The following GNRHR variants were observed in gnomAD, a reference collection of about 807,000 sequenced individuals.
GNRHR encodes gonadotropin-releasing hormone receptor.
A neutral mutation model predicts 28.1 loss-of-function variants in GNRHR; 14 were observed. The observed-to-expected ratio is 0.50, with a 90% confidence interval of 0.33 to 0.78. The LOEUF is 0.78. Ranked by LOEUF, GNRHR falls within the 30% of genes least tolerant of loss-of-function variation. The pLI is 0.02. For synonymous variants in GNRHR, 141 were observed against 140.5 expected, an observed-to-expected ratio of 1.00 and a Z score of -0.02; for missense variants, 366 against 382.1, an observed-to-expected ratio of 0.96 and a Z score of 0.35.
At chr4:67,752,112 C>A (rs73829179) in intron 1 of GNRHR, among the ~76,000 whole-genome samples, 1 of 152,230 alleles carries the variant, frequency 6.6e-6, no homozygotes, top group African/African-American at 2.4e-5. Context: ...CACCCTAGCC[C>A]CCTGATCACC....
chr4:67,744,062 AAC>A (rs907188870), intron 2 of GNRHR, among the ~76,000 whole-genome samples: 7 of 152,232 alleles, frequency 4.6e-5, no homozygotes, highest in Admixed American at 2.6e-4. Flanking sequence ...AAAAGGTACA[AAC>A]ACATGTGTGA....
chr4:67,740,714 C>G lies in GNRHR; in HGVS notation c.753G>C (p.Leu251=). Residue 251 remains leucine (L), a synonymous_variant, in exon 3 of 3, where the codon CTG becomes CTC. Coordinates refer to ENST00000226413, the MANE Select transcript of GNRHR (RefSeq NM_000406.3). ...TTGGTATATTGTTCTTGGACTGATTCAGTTGTAGTTCTGTTGGATAGAGAA... is the reference window on the plus strand; with the variant it reads ...TTGGTATATTGTTCTTGGACTGATTGAGTTGTAGTTCTGTTGGATAGAGAA... ...VLHQDPHELQ[L]NQSKNNIPRA... 1 of 1,610,120 alleles carries G rather than the reference C, an allele frequency of 6.2e-7. No individual in the cohort carries two copies. The highest frequency in any genetic ancestry group is 8.5e-7 in the Non-Finnish European group (1 of 1,176,420).
At chr4:67,743,206 C>T (rs1731693854) in intron 2 of GNRHR, among the ~76,000 whole-genome samples, 1 of 152,180 alleles carries the variant, frequency 6.6e-6, no homozygotes, top group Non-Finnish European at 1.5e-5. Flanking sequence ...CCTGCTTCGG[C>T]CTCCCAAAGT....
At chr4:67,751,549 C>T (rs1731865823) in intron 1 of GNRHR, 1 of 152,164 alleles carries the variant, frequency 6.6e-6, no homozygotes, top group Admixed American at 6.5e-5. Context: ...AATTCCTAAA[C>T]AATTCAAAGT....
intron 1 of GNRHR, among the ~76,000 whole-genome samples, chr4:67,752,320 T>G (rs1731883821): frequency 6.6e-6 from 1 of 151,728 alleles, no homozygotes; most frequent in Non-Finnish European, 1.5e-5. Flanking sequence ...CAAGCGATTC[T>G]CCCACCTCAG....
At position 67,744,176 on chromosome 4, in the gene GNRHR, T is replaced by C. The variant is rs556611553; in HGVS notation, c.742+392A>G. On this transcript the variant is annotated intron_variant, in intron 2 of 2. Transcript: ENST00000226413. ...CGTGTAAATATATGGGATTTGAATA[T>C]AAAATGAAACAGCTTACTTTAGCTA... Among the ~76,000 whole-genome samples, 11 of 152,300 alleles carry C rather than the reference T, an allele frequency of 7.2e-5. No individual in the cohort carries two copies. In the South Asian group the frequency reaches 2.3e-3, roughly 32 times the overall value.
At chr4:67,747,218 C>A in intron 1 of GNRHR, 1 of 152,368 alleles carries the variant, frequency 6.6e-6, no homozygotes. Flanking sequence ...CTGCCCTGGG[C>A]CACATTTTCG....
intron 2 of GNRHR, among the ~76,000 whole-genome samples, chr4:67,744,156 A>T (rs1560517373): frequency 2.0e-5 from 3 of 152,246 alleles, no homozygotes; most frequent in Non-Finnish European, 4.4e-5. Context: ...TATGTCGTGT[A>T]AATATATGGG....
chr4:67,752,767 G>A (rs1731893671), intron 1 of GNRHR, among the ~76,000 whole-genome samples: 2 of 151,158 alleles, frequency 1.3e-5, no homozygotes, highest in African/African-American at 2.4e-5. Flanking sequence ...GCTTTCTAGT[G>A]TCTTGTGCTA....
intron 1 of GNRHR, among the ~76,000 whole-genome samples, chr4:67,749,374 A>G (rs1731825718): frequency 6.6e-6 from 1 of 152,188 alleles, no homozygotes; most frequent in South Asian, 2.1e-4. Flanking sequence ...ATTAGTACAG[A>G]TAAACTAGTG....
rs1731642852 is a variant in GNRHR, at chr4:67,740,688, C to T, written c.779G>A (p.Arg260Lys). The change falls in exon 3 of 3, where the codon AGA becomes AAA. Residue 260 changes from arginine (R) to lysine (K), a missense_variant. Physicochemically the swap from Arg to Lys is conservative, Grantham distance 26 (BLOSUM62 2). Coordinates refer to ENST00000226413, the MANE Select transcript of GNRHR (RefSeq NM_000406.3). Reference protein sequence around the residue: ...QLNQSKNNIPRARLKTLKMTV... With the variant: ...QLNQSKNNIPKARLKTLKMTV... ...CATTTTTAGAGTCTTCAGCCGTGCT[C>T]TTGGTATATTGTTCTTGGACTGATT... 2.5e-6 allele frequency: 4 copies of T among 1,605,466 alleles called. No individual in the cohort carries two copies. The highest frequency in any genetic ancestry group is 2.6e-6 in the Non-Finnish European group (3 of 1,172,152).
Position 67,753,898 on chromosome 4 carries a change from G to C in GNRHR, c.438C>G (p.Pro146=). Residue 146 remains proline (P), a synonymous_variant, in exon 1 of 3, where the codon CCC becomes CCG. Coordinates refer to ENST00000226413, the MANE Select transcript of GNRHR (RefSeq NM_000406.3). ...SLDRSLAITR[P]LALKSNSKVG... is the part of the protein sequence containing the mutation. ...CTTTGCTGTTGCTTTTCAAAGCTAG[G>C]GGCCTCGTGATAGCCAGGGAGCGGT... 6.2e-7 allele frequency: 1 copy of C among 1,613,878 alleles called. No individual in the cohort carries two copies. Among genetic ancestry groups the C allele is most frequent in the Non-Finnish European group, 8.5e-7 (1 of 1,179,862 alleles).
chr4:67,752,453 G>T (rs1256175035), intron 1 of GNRHR, among the ~76,000 whole-genome samples: 1 of 151,816 alleles, frequency 6.6e-6, no homozygotes, highest in Admixed American at 6.6e-5. Flanking sequence ...GAACTCCTGG[G>T]CTCAAGTGAT....
intron 1 of GNRHR, among the ~76,000 whole-genome samples, chr4:67,751,211 C>T (rs184733181): frequency 6.6e-6 from 1 of 152,158 alleles, no homozygotes; most frequent in Non-Finnish European, 1.5e-5. Context: ...GAGACAGAGA[C>T]ACAAACAAGG....
chr4:67,750,327 T>C (rs1731843456), intron 1 of GNRHR, among the ~76,000 whole-genome samples: 2 of 152,164 alleles, frequency 1.3e-5, no homozygotes, highest in South Asian at 4.1e-4. Context: ...CCTTTCCCTC[T>C]ATTTTAACCA....
Position 67,740,239 on chromosome 4 carries a change from A to T in GNRHR, c.*241T>A, listed in dbSNP as rs1731632028. 2.2e-6 allele frequency: 1 copy of T among 459,986 alleles called. No homozygotes were observed. Among genetic ancestry groups the T allele is most frequent in the Non-Finnish European group, 4.0e-6 (1 of 252,928 alleles). The allele number at this position is 459,986 out of a possible 1,614,324, so 28.5% of individuals were successfully genotyped here. ...CCTACATAATGTGTTATATGAGGTCAGAAAAGGCAGAGATTAATTTAGAAG... is the reference window on the plus strand; with the variant it reads ...CCTACATAATGTGTTATATGAGGTCTGAAAAGGCAGAGATTAATTTAGAAG... On this transcript the variant is annotated 3_prime_UTR_variant, in exon 3 of 3. Coordinates refer to ENST00000226413, the MANE Select transcript of GNRHR (RefSeq NM_000406.3).
chr4:67,740,903 C>T (rs898158119), intron 2 of GNRHR, among the ~76,000 whole-genome samples, 179 bp from the exon 3 acceptor site: 16 of 152,074 alleles, frequency 1.1e-4, no homozygotes, highest in African/African-American at 3.6e-4. Flanking sequence ...CACTATGTCA[C>T]ATAATGAATA....
intron 2 of GNRHR, 126 bp downstream of exon 2, chr4:67,744,442 T>A (rs1406057626): frequency 1.4e-6 from 1 of 694,446 alleles, no homozygotes; most frequent in Non-Finnish European, 2.6e-6. Context: ...TGATTGTGAA[T>A]ATTAAATGAG....
chr4:67,753,586 A>G, intron 1 of GNRHR: 1 of 565,268 alleles, frequency 1.8e-6, no homozygotes, highest in Non-Finnish European at 3.2e-6. Context: ...GTATTAAGTA[A>G]GCATTAACCC....
Sources: gnomAD v4.1 joint callset for allele counts (sites outside exome capture counted in the v4.1 genomes callset) on GRCh38, gnomAD v4.1.1 for gene constraint, MANE v1.5 for transcripts, NCBI Gene and HGNC (gene_info 2026-07-23, HGNC 2026-07-21) for gene names.